Variants in AGXT2 observed in about 807,000 individuals in gnomAD.
AGXT2 encodes the protein alanine--glyoxylate aminotransferase 2.
Under a neutral mutation model 62.5 loss-of-function variants are expected in AGXT2, and 61 were observed. That is an observed-to-expected ratio of 0.98 (90% CI 0.79 to 1.21). The LOEUF is 1.21. Ranked by LOEUF, AGXT2 falls within the 50% of genes most tolerant of loss-of-function variation. AGXT2 has a pLI of 0.00. For synonymous variants in AGXT2, 243 were observed against 218.7 expected, an observed-to-expected ratio of 1.11 and a Z score of -0.98; for missense variants, 666 against 641.5, an observed-to-expected ratio of 1.04 and a Z score of -0.41.
At chr5:35,011,385 G>A (rs1232116302) in intron 11 of AGXT2, among the ~76,000 whole-genome samples, 3 of 151,350 alleles carry the variant, frequency 2.0e-5, no homozygotes, top group African/African-American at 4.9e-5. Flanking sequence ...GCTTGAACCT[G>A]GGAGGCAGAG....
At chr5:35,007,864 C>T (rs1200708203) in intron 12 of AGXT2, among the ~76,000 whole-genome samples, 3 of 152,050 alleles carry the variant, frequency 2.0e-5, no homozygotes, top group Non-Finnish European at 4.4e-5. Flanking sequence ...TGGTGCTGTC[C>T]TCTCCATGAT....
chr5:35,047,917 C>CCATGGAAGCAGATTGGAGG lies in AGXT2; in HGVS notation c.-44_-26dup. 1 of 1,613,748 alleles carries CCATGGAAGCAGATTGGAGG rather than the reference C, an allele frequency of 6.2e-7. No individual in the cohort carries two copies. Among genetic ancestry groups the CCATGGAAGCAGATTGGAGG allele is most frequent in the Non-Finnish European group, 8.5e-7 (1 of 1,179,864 alleles). On this transcript the variant is annotated 5_prime_UTR_variant, in exon 1 of 14. In the 5' UTR this introduces an upstream ATG that the reference lacks. Transcript: ENST00000231420. ...TTTCTCCCACTCAGAAAGCCAACCC[C>CCATGGAAGCAGATTGGAGG]CATGGAAGCAGATTGGAGGCCGGGC...
At chr5:35,021,282 A>C (rs1767070054) in intron 9 of AGXT2, among the ~76,000 whole-genome samples, 1 of 152,186 alleles carries the variant, frequency 6.6e-6, no homozygotes, top group Admixed American at 6.5e-5. Context: ...CTAAGCCAAA[A>C]GAACAAAGCT....
chr5:34,999,175 C>T (rs995251356), intron 13 of AGXT2, among the ~76,000 whole-genome samples: 2 of 152,208 alleles, frequency 1.3e-5, no homozygotes, highest in Non-Finnish European at 2.9e-5. Context: ...TCTCACTGCC[C>T]TTATTGCCAC....
chr5:35,025,588 G>A lies in AGXT2; in HGVS notation c.963+175C>T, dbSNP rs1327111417. ...TGTTATACTTGTTAAACTGATCAGC[G>A]AATGTACTAACAAATCAACCAGCCC... is the stretch of plus-strand genomic sequence containing the variant. On this transcript the variant is annotated intron_variant, in intron 9 of 13. Coordinates refer to ENST00000231420, the MANE Select transcript of AGXT2 (RefSeq NM_031900.4). 6.6e-4 allele frequency among the ~76,000 whole-genome samples: 101 copies of A among 152,166 alleles called. 1 individual carries two copies. The highest frequency in any genetic ancestry group is 4.4e-5 in the Non-Finnish European group (3 of 68,032).
intron 11 of AGXT2, among the ~76,000 whole-genome samples, chr5:35,012,187 CA>C (rs1766668715): frequency 6.6e-6 from 1 of 151,816 alleles, no homozygotes; most frequent in African/African-American, 2.4e-5. Context: ...CTATACAATT[CA>C]TCCATGTAAC....
chr5:35,003,510 A>C (rs753937058), intron 13 of AGXT2, among the ~76,000 whole-genome samples: 8 of 151,868 alleles, frequency 5.3e-5, no homozygotes, highest in Non-Finnish European at 1.2e-4. Context: ...TTTACCCCAA[A>C]GAGCCGCGAC....
At chr5:35,004,244 C>A (rs1174967455) in intron 12 of AGXT2, among the ~76,000 whole-genome samples, 1 of 152,124 alleles carries the variant, frequency 6.6e-6, no homozygotes, top group African/African-American at 2.4e-5. Context: ...TTTGTTCTGC[C>A]CATGGAAAGG....
chr5:35,024,556 C>G (rs979436118), intron 9 of AGXT2, among the ~76,000 whole-genome samples: 3 of 152,188 alleles, frequency 2.0e-5, no homozygotes, highest in Admixed American at 2.0e-4. Context: ...TGCTTTAATG[C>G]TTTAATGCTG....
At chr5:35,035,943 G>A (rs953121660) in intron 4 of AGXT2, among the ~76,000 whole-genome samples, 1 of 152,120 alleles carries the variant, frequency 6.6e-6, no homozygotes, top group Non-Finnish European at 1.5e-5. Flanking sequence ...CAGGTGTGGT[G>A]GTGGGCACCT....
At chr5:35,039,024 A>C (rs1382779931) in intron 3 of AGXT2, among the ~76,000 whole-genome samples, 2 of 152,086 alleles carry the variant, frequency 1.3e-5, no homozygotes, top group African/African-American at 4.8e-5. Context: ...CCTTTCCCTG[A>C]ATGCACCCCT....
chr5:35,003,912 G>T (rs1023831195), intron 12 of AGXT2, 51 bp from the exon 13 acceptor site: 1 of 1,566,182 alleles, frequency 6.4e-7, no homozygotes, highest in East Asian at 2.3e-5. Context: ...AATGGTTAAA[G>T]GAATTATTTG....
intron 9 of AGXT2, among the ~76,000 whole-genome samples, chr5:35,025,259 C>T (rs947873264): frequency 6.6e-6 from 1 of 152,098 alleles, no homozygotes; most frequent in Admixed American, 6.5e-5. Flanking sequence ...GCCTGTGGTC[C>T]CAGCTACTCG....
chr5:35,039,586 G>A, intron 2 of AGXT2, 78 bp from the exon 3 acceptor site: 2 of 1,479,950 alleles, frequency 1.4e-6, no homozygotes, highest in South Asian at 1.2e-5. Context: ...CAGAGCCCAG[G>A]CTCTCTAGTG....
chr5:35,007,840 C>T (rs572321271), intron 12 of AGXT2, among the ~76,000 whole-genome samples: 1 of 152,256 alleles, frequency 6.6e-6, no homozygotes, highest in African/African-American at 2.4e-5. Context: ...GGGGCAGATC[C>T]CTCATGAATG....
intron 13 of AGXT2, among the ~76,000 whole-genome samples, chr5:35,002,903 A>G (rs1413114633): frequency 6.6e-6 from 1 of 152,246 alleles, no homozygotes; most frequent in Non-Finnish European, 1.5e-5. Context: ...TTCAGTATCC[A>G]CTGAAGTTGT....
At position 35,025,795 on chromosome 5, in the gene AGXT2, G is replaced by T; in HGVS notation, c.931C>A (p.Arg311=). The change falls in exon 9 of 14, where the codon CGA becomes AGA. Residue 311 remains arginine, a synonymous_variant. Transcript: ENST00000231420. ...GCAATGCACACGCCTCCCCTTGCTC[G>T]CACCAGCTCAAAGGCTTCCTTTAGA... The part of the protein sequence containing the change: ...GFLKEAFELV[R]ARGGVCIADE... The T allele has an allele frequency of 6.2e-7, 1 of 1,614,042 alleles. No individual in the cohort carries two copies. Among genetic ancestry groups the T allele is most frequent in the Non-Finnish European group, 8.5e-7 (1 of 1,179,994 alleles).
chr5:35,006,564 G>A (rs1001830594), intron 12 of AGXT2, among the ~76,000 whole-genome samples: 4 of 151,984 alleles, frequency 2.6e-5, no homozygotes, highest in African/African-American at 4.8e-5. Context: ...GAAGTCACTC[G>A]TCACCAAGCC....
intron 5 of AGXT2, among the ~76,000 whole-genome samples, chr5:35,033,989 C>A (rs344158): frequency 0.66 from 100,740 of 151,916 alleles, 33,500 homozygotes; most frequent in South Asian, 0.77. Context: ...TCACCTTATT[C>A]TCCATCTAAG....
Sources: allele counts gnomAD v4.1 joint callset (sites outside exome capture counted in the v4.1 genomes callset), GRCh38; gene constraint gnomAD v4.1.1; transcripts MANE v1.5; gene names NCBI Gene and HGNC (gene_info 2026-07-23, HGNC 2026-07-21).